Variants in YPEL2 observed in about 807,000 individuals in gnomAD.
The protein encoded by YPEL2 is protein yippee-like 2.
In YPEL2, 2 loss-of-function variants were observed where a neutral mutation model predicts 19.1. The ratio of observed to expected loss-of-function variants is 0.10; its 90% confidence interval spans 0.04 to 0.33. The LOEUF (loss-of-function observed/expected upper bound fraction) is 0.33. YPEL2 is among the 10% of genes least tolerant of loss of function. The pLI, the probability that YPEL2 is intolerant of heterozygous loss-of-function variation, is 1.00. For missense variants in YPEL2, 66 were observed against 140.7 expected (o/e 0.47, Z 2.68); for synonymous variants, 52 against 50.0 (o/e 1.04, Z -0.17).
intron 1 of YPEL2, among the ~76,000 whole-genome samples, chr17:59,340,658 G>A (rs1256545919): frequency 1.3e-5 from 2 of 148,758 alleles, no homozygotes; most frequent in Non-Finnish European, 3.0e-5. Context: ...CTTGTGATCC[G>A]CCCACCTCGG....
intron 2 of YPEL2, among the ~76,000 whole-genome samples, chr17:59,358,927 T>C (rs1219079677): frequency 2.0e-4 from 6 of 29,760 alleles, no homozygotes; most frequent in Non-Finnish European, 3.6e-4. Context: ...TTCCTTTTTC[T>C]TTTTTTTTTT....
At chr17:59,374,706 C>T (rs916940859) in intron 2 of YPEL2, among the ~76,000 whole-genome samples, 6 of 152,068 alleles carry the variant, frequency 3.9e-5, no homozygotes, top group Admixed American at 2.0e-4. Context: ...CATGGTCAGA[C>T]CAGGCCACAT....
At position 59,401,647 on chromosome 17, in the gene YPEL2, A is replaced by G. The variant is rs2048071761; in HGVS notation, c.*4457A>G. 1 of 152,638 alleles carries G rather than the reference A, an allele frequency of 6.6e-6. No individual in the cohort carries two copies. The highest frequency in any genetic ancestry group is 1.9e-4 in the East Asian group (1 of 5,204). The allele number at this position is 152,638 out of a possible 1,614,324, so 9.5% of individuals were successfully genotyped here. A position where few individuals can be genotyped will look rare whatever the true frequency, so the allele number is the denominator to read the frequency against. ...CTGTATTTGTACATAGTGATTCAGT[A>G]TTAGAGAAAAGTGCATTGTTTCTGT... On this transcript the variant is annotated 3_prime_UTR_variant, in exon 5 of 5. Coordinates refer to ENST00000312655, the MANE Select transcript of YPEL2 (RefSeq NM_001005404.4).
intron 2 of YPEL2, among the ~76,000 whole-genome samples, chr17:59,381,470 C>T (rs565876954): frequency 3.2e-4 from 49 of 152,152 alleles, no homozygotes; most frequent in Non-Finnish European, 6.0e-4. Flanking sequence ...AAGGTGAGGA[C>T]CTGTATCTAT....
chr17:59,390,453 A>G (rs1197342190), intron 4 of YPEL2, among the ~76,000 whole-genome samples: 1 of 152,188 alleles, frequency 6.6e-6, no homozygotes, highest in African/African-American at 2.4e-5. Context: ...TCCAGAACCC[A>G]TGTTCTGAAG....
Position 59,400,708 on chromosome 17 carries a change from C to G in YPEL2, c.*3518C>G, listed in dbSNP as rs7220373. On this transcript the variant is annotated 3_prime_UTR_variant, in exon 5 of 5. Transcript: ENST00000312655. ...GTGATTCTTCCTGTTGGAAGAATTT[C>G]CAACAAATCAGAATCACGTTTTTAG... 0.35 allele frequency: 53,488 copies of G among 152,388 alleles called. 9,768 individuals are homozygous for G. The highest frequency in any genetic ancestry group is 0.46 in the Middle Eastern group (134 of 294). 9.4% of individuals were successfully genotyped at this position (152,388 alleles called of 1,614,324 possible).
intron 1 of YPEL2, among the ~76,000 whole-genome samples, chr17:59,346,247 C>T (rs1230908777): frequency 6.6e-6 from 1 of 152,258 alleles, no homozygotes; most frequent in African/African-American, 2.4e-5. Flanking sequence ...TTGGGACAGG[C>T]TATGGCTACT....
rs2048052598 is a variant in YPEL2 at position 59,398,445 on chromosome 17, T to C, written c.*1255T>C. On this transcript the variant is annotated 3_prime_UTR_variant, in exon 5 of 5. Transcript: ENST00000312655. Reference sequence around the variant, plus strand: ...TAATTGTCCCACTTAGGCCTGAATGTCTTGCATGGAGAGAAATCTCCTGTC... The same window carrying C: ...TAATTGTCCCACTTAGGCCTGAATGCCTTGCATGGAGAGAAATCTCCTGTC... 1 of 152,186 alleles carries C rather than the reference T, an allele frequency of 6.6e-6. No individual in the cohort carries two copies. The highest frequency in any genetic ancestry group is 6.5e-5 in the Admixed American group (1 of 15,284). The allele number at this position is 152,186 out of a possible 1,614,324, so 9.4% of individuals were successfully genotyped here.
chr17:59,342,988 G>C (rs1370405336), intron 1 of YPEL2, among the ~76,000 whole-genome samples: 1 of 152,190 alleles, frequency 6.6e-6, no homozygotes, highest in Non-Finnish European at 1.5e-5. Flanking sequence ...TGTGTGAAGG[G>C]CAGAGCAGGA....
intron 2 of YPEL2, among the ~76,000 whole-genome samples, chr17:59,381,786 T>A (rs1318443397): frequency 6.6e-6 from 1 of 152,224 alleles, no homozygotes; most frequent in Non-Finnish European, 1.5e-5. Context: ...CAGCCTTGGT[T>A]GATACACAAC....
At chr17:59,388,852 C>T in intron 3 of YPEL2, 1 of 193,720 alleles carries the variant, frequency 5.2e-6, no homozygotes, top group Non-Finnish European at 1.1e-5. Flanking sequence ...CTACATAAGC[C>T]TGATAAACTG....
chr17:59,363,760 G>C (rs2047853932), intron 2 of YPEL2, among the ~76,000 whole-genome samples: 1 of 152,238 alleles, frequency 6.6e-6, no homozygotes, highest in Non-Finnish European at 1.5e-5. Context: ...GATGGGTTCA[G>C]ATTCAGATCT....
intron 2 of YPEL2, among the ~76,000 whole-genome samples, chr17:59,357,593 A>G (rs960437536): frequency 6.6e-6 from 1 of 152,194 alleles, no homozygotes; most frequent in African/African-American, 2.4e-5. Context: ...ATAAAAATAT[A>G]CTTTGCTTAT....
chr17:59,383,780 A>C (rs1168887505), intron 2 of YPEL2, among the ~76,000 whole-genome samples: 1 of 150,684 alleles, frequency 6.6e-6, no homozygotes, highest in Non-Finnish European at 1.5e-5. Flanking sequence ...TTTTACCCAT[A>C]ACCTCTAGCA....
At chr17:59,352,361 T>TA (rs1169111145) in intron 1 of YPEL2, among the ~76,000 whole-genome samples, 3 of 152,114 alleles carry the variant, frequency 2.0e-5, no homozygotes, top group East Asian at 3.9e-4. Context: ...CTCACTTAGT[T>TA]ACCTTGGGAG....
At chr17:59,333,966 T>C (rs2147931020) in intron 1 of YPEL2, among the ~76,000 whole-genome samples, 1 of 152,326 alleles carries the variant, frequency 6.6e-6, no homozygotes, top group East Asian at 1.9e-4. Flanking sequence ...CCCCATACTC[T>C]GCAATCCCAA....
chr17:59,361,889 A>C (rs1598037141), intron 2 of YPEL2, among the ~76,000 whole-genome samples: 1 of 152,154 alleles, frequency 6.6e-6, no homozygotes, highest in African/African-American at 2.4e-5. Flanking sequence ...GATGGGGAGG[A>C]GCTGGTAAAA....
intron 2 of YPEL2, among the ~76,000 whole-genome samples, chr17:59,365,368 G>A (rs1010822649): frequency 6.6e-6 from 1 of 152,166 alleles, no homozygotes; most frequent in Non-Finnish European, 1.5e-5. Context: ...AGGCAGCAGC[G>A]AAGCCTCTCT....
At chr17:59,392,319 C>T (rs1277844329) in intron 4 of YPEL2, among the ~76,000 whole-genome samples, 8 of 151,720 alleles carry the variant, frequency 5.3e-5, no homozygotes, top group African/African-American at 1.7e-4. Flanking sequence ...GACTAAATAC[C>T]AAAAAAATGG....
Sources: allele counts gnomAD v4.1 joint callset (sites outside exome capture counted in the v4.1 genomes callset), GRCh38; gene constraint gnomAD v4.1.1; transcripts MANE v1.5; gene names NCBI Gene and HGNC (gene_info 2026-07-23, HGNC 2026-07-21).